The following EDA variants were observed in gnomAD, a reference collection of about 807,000 sequenced individuals.
EDA encodes the protein ectodysplasin-A.
Under a neutral mutation model 23.6 loss-of-function variants are expected in EDA, and 2 were observed. That is an observed-to-expected ratio of 0.08 (90% confidence interval 0.03 to 0.27). EDA has a LOEUF of 0.27. Among genes scored for constraint, EDA ranks in the 10% least tolerant of loss-of-function variants. The pLI, the probability that EDA is intolerant of heterozygous loss-of-function variation, is 1.00. For missense variants in EDA, 229 were observed against 324.2 expected (o/e 0.71, Z 2.26); for synonymous variants, 131 against 132.0 (o/e 0.99, Z 0.05).
chrX:69,869,318 G>A (rs1344617413), intron 1 of EDA, among the ~76,000 whole-genome samples: 2 of 111,178 alleles, frequency 1.8e-5, no homozygotes, highest in South Asian at 3.9e-4. Flanking sequence ...CCTACTTGAC[G>A]TTTTGGGTCC....
At chrX:69,917,706 C>T (rs914311058) in intron 1 of EDA, among the ~76,000 whole-genome samples, 5 of 111,331 alleles carry the variant, frequency 4.5e-5, no homozygotes, top group Admixed American at 1.9e-4. Flanking sequence ...TTATGCTAAT[C>T]GCCTCTTCAT....
At chrX:69,842,694 C>T (rs146497946) in intron 1 of EDA, among the ~76,000 whole-genome samples, 1,201 of 111,771 alleles carry the variant, frequency 0.011, 15 homozygotes, top group African/African-American at 0.038. Flanking sequence ...TTGGAGGTGG[C>T]GCCTGGTGGC....
intron 1 of EDA, among the ~76,000 whole-genome samples, chrX:69,680,757 G>T (rs1347964992): frequency 2.1e-5 from 2 of 95,381 alleles, no homozygotes; most frequent in Non-Finnish European, 4.1e-5. Context: ...CAAACTGATG[G>T]GTCTTGACTC....
At chrX:69,925,173 A>T (rs1312126075) in intron 1 of EDA, among the ~76,000 whole-genome samples, 1 of 111,425 alleles carries the variant, frequency 9.0e-6, no homozygotes, top group Non-Finnish European at 1.9e-5. Context: ...CCTGGCCACA[A>T]CTTCCAAGAC....
intron 1 of EDA, among the ~76,000 whole-genome samples, chrX:69,631,412 C>CT (rs1432473687): frequency 2.9e-5 from 3 of 104,927 alleles, no homozygotes; most frequent in Non-Finnish European, 5.9e-5. Context: ...ATTCCTGATG[C>CT]TTTTTTTTCA....
At position 69,851,942 on chromosome X, in the gene EDA, C is replaced by T. The variant is rs144160521; in HGVS notation, c.397-105085C>T. Among the ~76,000 whole-genome samples the T allele has an allele frequency of 6.4e-4, 72 of 111,877 alleles. 1 individual carries two copies. In the East Asian group the frequency reaches 0.018, roughly 27 times the overall value. On this transcript the variant is annotated intron_variant, in intron 1 of 7. Transcript: ENST00000374552. ...TGATGCATGCTAAGTTTGAAAAGCA[C>T]GGGAACTTAAAGATCCTAGTATGCT...
At chrX:69,673,805 G>A (rs937010101) in intron 1 of EDA, among the ~76,000 whole-genome samples, 3 of 111,467 alleles carry the variant, frequency 2.7e-5, no homozygotes, top group Non-Finnish European at 5.6e-5. Flanking sequence ...CTCTAGGACA[G>A]CTATTCTAGG....
At chrX:69,951,227 G>A (rs1051083817) in intron 1 of EDA, among the ~76,000 whole-genome samples, 4 of 110,907 alleles carry the variant, frequency 3.6e-5, no homozygotes, top group East Asian at 2.8e-4. Context: ...CAGCTCTCTC[G>A]CCCTTCTGCC....
chrX:69,714,511 A>T, intron 1 of EDA, among the ~76,000 whole-genome samples: 1 of 111,688 alleles, frequency 9.0e-6, no homozygotes, highest in Middle Eastern at 4.6e-3. Context: ...TCCTGTTTTT[A>T]AAAAAGGTTT....
intron 1 of EDA, among the ~76,000 whole-genome samples, chrX:69,879,436 A>G (rs767938088): frequency 1.6e-4 from 18 of 111,840 alleles, no homozygotes; most frequent in Non-Finnish European, 9.4e-5. Context: ...GCTGTAAGAA[A>G]GAAAGAAAAA....
intron 1 of EDA, among the ~76,000 whole-genome samples, chrX:69,911,507 TTGTTTTA>T (rs746035127): frequency 8.9e-6 from 1 of 112,281 alleles, no homozygotes; most frequent in East Asian, 2.8e-4. Flanking sequence ...ATCTGTATGC[TTGTTTTA>T]TTCTCCAGTG....
rs1191245556 is a variant in EDA at position 69,910,374 on chromosome X, A to AGAGAGT, written c.397-46652_397-46651insAGAGTG. Among the ~76,000 whole-genome samples the AGAGAGT allele has an allele frequency of 2.9e-4, 12 of 41,751 alleles. No homozygotes were observed. The South Asian group carries it at 4.5e-3, about 16-fold the overall frequency. 36.3% of individuals were successfully genotyped at this position (41,751 alleles called of 115,157 possible). Reference sequence around the variant, plus strand: ...AGGAGAGAGAGAGAGAGAGAGAGAGAGTGTGTGTGTGTGTGTGTGTGTGTG... The same window carrying AGAGAGT: ...AGGAGAGAGAGAGAGAGAGAGAGAGAGAGAGTGTGTGTGTGTGTGTGTGTGTGTGTG... On this transcript the variant is annotated intron_variant, in intron 1 of 7. Coordinates refer to ENST00000374552, the MANE Select transcript of EDA (RefSeq NM_001399.5).
chrX:69,616,501 C>T lies in EDA; in HGVS notation c.193C>T (p.Arg65Cys). 2 of 1,211,982 alleles carry T rather than the reference C, an allele frequency of 1.7e-6. No individual in the cohort carries two copies. The highest frequency in any genetic ancestry group is 3.0e-5 in the East Asian group (1 of 33,785). ...LLTLCCYLELRSELRRERGAE... is the reference protein window; with the variant it reads ...LLTLCCYLELCSELRRERGAE... ...GACGTTGTGCTGCTACCTAGAGTTG[C>T]GCTCGGAGTTGCGGCGGGAACGTGG... The change falls in exon 1 of 8, where the codon CGC becomes TGC. Residue 65 changes from arginine (R) to cysteine (C), a missense_variant. Transcript: ENST00000374552.
At chrX:70,017,336 G>A (rs890146726) in intron 2 of EDA, among the ~76,000 whole-genome samples, 1 of 112,013 alleles carries the variant, frequency 8.9e-6, no homozygotes, top group Non-Finnish European at 1.9e-5. Flanking sequence ...TTGAGGAGGA[G>A]GGGCTTCCCC....
At chrX:69,961,149 A>G (rs2019096147) in intron 2 of EDA, among the ~76,000 whole-genome samples, 1 of 111,868 alleles carries the variant, frequency 8.9e-6, no homozygotes, top group South Asian at 3.7e-4. Context: ...TAATTTTTGT[A>G]TTTTTAGTAG....
intron 2 of EDA, among the ~76,000 whole-genome samples, chrX:69,978,766 G>A (rs770509611): frequency 8.1e-5 from 9 of 110,936 alleles, no homozygotes; most frequent in Non-Finnish European, 1.5e-4. Context: ...TTGCCTATTC[G>A]AGACATTTCA....
chrX:69,878,434 C>G (rs990131374), intron 1 of EDA, among the ~76,000 whole-genome samples: 1 of 112,462 alleles, frequency 8.9e-6, no homozygotes, highest in African/African-American at 3.2e-5. Context: ...GAGCAGAGCT[C>G]AACAGCCATC....
intron 1 of EDA, among the ~76,000 whole-genome samples, chrX:69,823,019 C>T (rs1243635192): frequency 1.0e-5 from 1 of 99,994 alleles, no homozygotes; most frequent in Non-Finnish European, 2.0e-5. Flanking sequence ...CTACAAAGGA[C>T]ATGAACTCAT....
chrX:69,714,424 A>AT (rs1488042374), intron 1 of EDA, among the ~76,000 whole-genome samples: 22 of 111,438 alleles, frequency 2.0e-4, no homozygotes, highest in Non-Finnish European at 4.0e-4. Flanking sequence ...CAATTTATCA[A>AT]TTTTTTCTTT....
Sources: gnomAD v4.1 joint callset for allele counts (sites outside exome capture counted in the v4.1 genomes callset) on GRCh38, gnomAD v4.1.1 for gene constraint, MANE v1.5 for transcripts, NCBI Gene and HGNC (gene_info 2026-07-23, HGNC 2026-07-21) for gene names.